TENM1: variants seen among roughly 807,000 people sequenced by gnomAD.
TENM1 encodes teneurin transmembrane protein 1, also known as teneurin-1.
In TENM1, 35 loss-of-function variants were observed where a neutral mutation model predicts 174.8. The ratio of observed to expected loss-of-function variants is 0.20; its 90% CI spans 0.15 to 0.27. TENM1 has a LOEUF of 0.27. TENM1 is among the 10% of genes least tolerant of loss of function. The pLI is 1.00. For missense variants in TENM1, 1,633 were observed against 2,130.1 expected, an observed-to-expected ratio of 0.77 and a Z score of 4.59; for synonymous variants, 781 against 798.7, an observed-to-expected ratio of 0.98 and a Z score of 0.37.
At chrX:124,647,732 T>G (rs756514575) in intron 8 of TENM1, among the ~76,000 whole-genome samples, 6 of 105,794 alleles carry the variant, frequency 5.7e-5, no homozygotes, top group South Asian at 4.1e-4. Context: ...TTTTTTGTGG[T>G]GTGTGTGTGT....
chrX:124,671,251 C>A (rs2051913218), intron 6 of TENM1, among the ~76,000 whole-genome samples: 1 of 110,633 alleles, frequency 9.0e-6, no homozygotes, highest in African/African-American at 3.3e-5. Context: ...TTGACATAAA[C>A]ATTCACCTTT....
At chrX:124,640,892 C>T (rs2050999126) in intron 11 of TENM1, among the ~76,000 whole-genome samples, 2 of 95,173 alleles carry the variant, frequency 2.1e-5, no homozygotes, top group African/African-American at 4.2e-5. Flanking sequence ...ACCTGGGAGG[C>T]GGAGGTTGCA....
In TENM1 at chrX:124,752,870, G is replaced by C. The variant is rs778968417; in HGVS notation, c.536-15673C>G. Among the ~76,000 whole-genome samples, 3 of 110,513 alleles carry C rather than the reference G, an allele frequency of 2.7e-5. 1 individual carries two copies. Among genetic ancestry groups the C allele is most frequent in the African/African-American group, 9.9e-5 (3 of 30,432 alleles). On this transcript the variant is annotated intron_variant, in intron 3 of 31. Transcript: ENST00000422452. ...GGTCTATATCTCTGTTTTGGTACCA[G>C]TACCATGCTGTTTTGGTTACTGTAG...
chrX:125,175,277 A>G, the TENM1 span, among the ~76,000 whole-genome samples: 3 of 111,624 alleles, frequency 2.7e-5, no homozygotes, highest in East Asian at 8.4e-4. Flanking sequence ...ATACAAAATG[A>G]AGAAAGCATA....
At chrX:124,802,502 C>A (rs1452946227) in intron 3 of TENM1, among the ~76,000 whole-genome samples, 3 of 111,295 alleles carry the variant, frequency 2.7e-5, no homozygotes, top group Admixed American at 9.5e-5. Context: ...GGATCTCTGA[C>A]CTTGGGGGGC....
intron 27 of TENM1, 80 bp downstream of exon 30, chrX:124,404,951 T>TTAAA: frequency 1.2e-6 from 1 of 805,713 alleles, no homozygotes; most frequent in African/African-American, 2.6e-5. Context: ...GGCTCTGCAG[T>TTAAA]TAAACAAACA....
intron 3 of TENM1, among the ~76,000 whole-genome samples, chrX:124,828,908 A>G (rs1161508379): frequency 1.8e-5 from 2 of 112,257 alleles, no homozygotes; most frequent in Non-Finnish European, 3.8e-5. Flanking sequence ...TGTTCTTTGG[A>G]AACGATATTG....
chrX:124,598,614 A>G (rs916613953), intron 11 of TENM1, among the ~76,000 whole-genome samples: 9 of 111,975 alleles, frequency 8.0e-5, no homozygotes, highest in Admixed American at 3.8e-4. Context: ...GGAGATCATT[A>G]TGATAAGTGA....
chrX:124,551,440 G>T (rs1472684774), intron 14 of TENM1, among the ~76,000 whole-genome samples: 1 of 110,434 alleles, frequency 9.1e-6, no homozygotes, highest in East Asian at 2.8e-4. Context: ...GTACAACATA[G>T]TACTTATAGT....
chrX:124,416,257 T>G (rs887143730), intron 25 of TENM1, among the ~76,000 whole-genome samples: 2 of 111,795 alleles, frequency 1.8e-5, no homozygotes, highest in Non-Finnish European at 3.8e-5. Flanking sequence ...TCCCCATTCA[T>G]TCTTCTCCCC....
chrX:124,941,253 T>C (rs1194792276), intron 1 of TENM1, among the ~76,000 whole-genome samples: 1 of 112,116 alleles, frequency 8.9e-6, no homozygotes, highest in Non-Finnish European at 1.9e-5. Context: ...AACTCCTAAA[T>C]GCCAAAACTG....
intron 18 of TENM1, among the ~76,000 whole-genome samples, chrX:124,518,055 T>C (rs1983360919): frequency 9.1e-6 from 1 of 110,466 alleles, no homozygotes; most frequent in African/African-American, 3.3e-5. Flanking sequence ...AAGAGAATTA[T>C]CAAGGAAGGG....
chrX:124,419,085 G>A (rs770209760), intron 25 of TENM1, among the ~76,000 whole-genome samples: 7 of 111,901 alleles, frequency 6.3e-5, no homozygotes, highest in East Asian at 2.8e-4. Context: ...TTAGCTAACC[G>A]TAGCTTTTAT....
At chrX:125,024,871 T>C in the TENM1 span, among the ~76,000 whole-genome samples, 1 of 111,310 alleles carries the variant, frequency 9.0e-6, no homozygotes, top group Admixed American at 9.6e-5. Flanking sequence ...TTTTATCTGT[T>C]TTTTCAGTGA....
chrX:124,780,025 C>T (rs2054872730), intron 3 of TENM1, among the ~76,000 whole-genome samples: 1 of 111,190 alleles, frequency 9.0e-6, no homozygotes, highest in Admixed American at 9.6e-5. Context: ...TTAGATACCC[C>T]CCATTTTAAG....
chrX:124,388,942 GAATT>G (rs2060252870), intron 28 of TENM1, among the ~76,000 whole-genome samples: 2 of 112,023 alleles, frequency 1.8e-5, no homozygotes, highest in Non-Finnish European at 3.8e-5. Flanking sequence ...AAGTTCATAA[GAATT>G]ATTTTAGGAA....
chrX:124,761,309 A>T (rs1455270758), intron 3 of TENM1, among the ~76,000 whole-genome samples: 1 of 110,368 alleles, frequency 9.1e-6, no homozygotes, highest in East Asian at 2.9e-4. Context: ...TCCATCAATG[A>T]TAGACTGGAT....
intron 5 of TENM1, among the ~76,000 whole-genome samples, chrX:124,672,105 A>T (rs1044367945): frequency 2.7e-5 from 3 of 111,746 alleles, no homozygotes; most frequent in Admixed American, 9.5e-5. Flanking sequence ...CAACTATAGT[A>T]CAATTAGACT....
At chrX:124,456,487 T>C (rs1304103162) in intron 22 of TENM1, among the ~76,000 whole-genome samples, 1 of 111,971 alleles carries the variant, frequency 8.9e-6, no homozygotes, top group Non-Finnish European at 1.9e-5. Context: ...TCTTTGCTGG[T>C]GAAGCTTAAG....
Sources: allele counts gnomAD v4.1 joint callset (sites outside exome capture counted in the v4.1 genomes callset), GRCh38; gene constraint gnomAD v4.1.1; transcripts MANE v1.5; gene names NCBI Gene and HGNC (gene_info 2026-07-23, HGNC 2026-07-21).